The following CSRP3 variants were observed in gnomAD, a reference collection of about 807,000 sequenced individuals.
CSRP3 encodes the protein cysteine and glycine rich protein 3.
A neutral mutation model predicts 24.3 loss-of-function variants in CSRP3; 24 were observed. The ratio of observed to expected loss-of-function variants is 0.99; its 90% confidence interval spans 0.71 to 1.39. The LOEUF (loss-of-function observed/expected upper bound fraction) is 1.39, where lower values mean the gene tolerates loss of function less well. CSRP3 is among the 40% of genes most tolerant of loss of function. CSRP3 has a pLI of 0.00. For synonymous variants in CSRP3, 105 were observed against 94.0 expected, an observed-to-expected ratio of 1.12 and a Z score of -0.68; for missense variants, 240 against 249.0, an observed-to-expected ratio of 0.96 and a Z score of 0.24.
At chr11:19,186,150 C>T (rs1850520736) in intron 4 of CSRP3, 66 bp downstream of exon 4, 5 of 1,610,580 alleles carry the variant, frequency 3.1e-6, no homozygotes, top group Non-Finnish European at 4.2e-6. Flanking sequence ...CAATTTTTCT[C>T]TCATTCCTCC....
chr11:19,186,082 T>A, intron 4 of CSRP3, 134 bp downstream of exon 4: 1 of 1,126,084 alleles, frequency 8.9e-7, no homozygotes, highest in Non-Finnish European at 1.3e-6. Flanking sequence ...TGGCTGAGGA[T>A]GTGTGGTTTC....
intron 1 of CSRP3, among the ~76,000 whole-genome samples, chr11:19,201,620 AT>A (rs1474913330): frequency 6.6e-6 from 1 of 152,242 alleles, no homozygotes; most frequent in Non-Finnish European, 1.5e-5. Flanking sequence ...ACTTTCCATT[AT>A]TTCCTCCCGC....
intron 1 of CSRP3, among the ~76,000 whole-genome samples, chr11:19,194,462 G>T (rs1850664688): frequency 6.6e-6 from 1 of 152,088 alleles, no homozygotes; most frequent in African/African-American, 2.4e-5. Context: ...AGGATCACTA[G>T]CCCAGGAGTT....
chr11:19,197,540 T>C (rs1850755287), intron 1 of CSRP3, among the ~76,000 whole-genome samples: 1 of 138,000 alleles, frequency 7.2e-6, no homozygotes, highest in African/African-American at 2.8e-5. Flanking sequence ...TCTTTCTTTC[T>C]TTCTTTCTTT....
At chr11:19,197,000 G>A (rs1850725500) in intron 1 of CSRP3, 1 of 152,212 alleles carries the variant, frequency 6.6e-6, no homozygotes, top group Non-Finnish European at 1.5e-5. Context: ...ATGTGCTTCA[G>A]TGGGGCAGTG....
In CSRP3 at chr11:19,183,320, G is replaced by A. The variant is rs140653089; in HGVS notation, c.509-574C>T. Among the ~76,000 whole-genome samples the A allele has an allele frequency of 2.2e-3, 332 of 152,130 alleles. 1 individual carries two copies. Among genetic ancestry groups the A allele is most frequent in the Non-Finnish European group, 3.7e-3 (251 of 67,998 alleles). Reference sequence around the variant, plus strand: ...ATTTGAGGATTGCCTGCCCAACCTCGTCCCCTGTTGCCTCCCGCCTCTGCC... The same window carrying A: ...ATTTGAGGATTGCCTGCCCAACCTCATCCCCTGTTGCCTCCCGCCTCTGCC... On this transcript the variant is annotated intron_variant, in intron 5 of 5. Coordinates refer to ENST00000265968, the MANE Select transcript of CSRP3 (RefSeq NM_003476.5).
intron 1 of CSRP3, among the ~76,000 whole-genome samples, chr11:19,199,061 A>G (rs1288383959): frequency 6.6e-6 from 1 of 152,150 alleles, no homozygotes; most frequent in Non-Finnish European, 1.5e-5. Flanking sequence ...TCTGGTTCAG[A>G]CTGTGAATCA....
chr11:19,192,425 T>C lies in CSRP3; in HGVS notation c.24A>G (p.Ala8=). 1.2e-6 allele frequency: 2 copies of C among 1,614,172 alleles called. No homozygotes were observed. Among genetic ancestry groups the C allele is most frequent in the Non-Finnish European group, 1.7e-6 (2 of 1,180,020 alleles). Residue 8 remains alanine, a synonymous_variant, in exon 2 of 6, where the codon GCA becomes GCG. Coordinates refer to ENST00000265968, the MANE Select transcript of CSRP3 (RefSeq NM_003476.5). The stretch of plus-strand genomic sequence containing the variant: ...CGGTCTTTTCACAGGCTCCACATTT[T>C]GCGCCTCCGCCCCAGTTTGGCATCT... MPNWGGG[A]KCGACEKTVY... is the part of the protein sequence containing the mutation.
rs199650636 is a variant in CSRP3, at chr11:19,192,573, AT to A, written c.-28-98del. 2.1e-3 allele frequency: 1,508 copies of A among 727,188 alleles called. 12 individuals carry two copies. The East Asian group carries it at 0.029, about 14-fold the overall frequency. 45.0% of individuals were successfully genotyped at this position (727,188 alleles called of 1,614,324 possible). ...GGTCTGAAGACCAGGATCCAGCCCAATTTTTTTTTAGTGTTTCATTTATTCA... is the reference window on the plus strand; with the variant it reads ...GGTCTGAAGACCAGGATCCAGCCCAATTTTTTTTAGTGTTTCATTTATTCA... On this transcript the variant is annotated intron_variant, in intron 1 of 5. Coordinates refer to ENST00000265968, the MANE Select transcript of CSRP3 (RefSeq NM_003476.5).
intron 2 of CSRP3, 61 bp from the exon 3 acceptor site, chr11:19,188,365 TC>T: frequency 6.3e-7 from 1 of 1,577,750 alleles, no homozygotes; most frequent in Non-Finnish European, 8.7e-7. Flanking sequence ...TTCTTTGCAC[TC>T]CCAATGCCAT....
At chr11:19,192,925 G>A (rs1047536921) in intron 1 of CSRP3, among the ~76,000 whole-genome samples, 8 of 152,104 alleles carry the variant, frequency 5.3e-5, no homozygotes, top group African/African-American at 1.9e-4. Context: ...GCTAAATGCA[G>A]ATTCTGGTTT....
intron 2 of CSRP3, among the ~76,000 whole-genome samples, chr11:19,191,542 T>C (rs1282630360): frequency 1.3e-5 from 2 of 152,112 alleles, no homozygotes; most frequent in Non-Finnish European, 2.9e-5. Context: ...GGAAACAGTA[T>C]AGAATGCAGT....
intron 1 of CSRP3, among the ~76,000 whole-genome samples, chr11:19,197,501 CTCTTTCTTTCTTTCTT>C (rs747850845): frequency 0.016 from 1,060 of 67,104 alleles, 11 homozygotes; most frequent in Middle Eastern, 0.035. Flanking sequence ...CCCTCTTTTC[CTCTTTCTTTCTTTCTT>C]TCTTTCTTTC....
intron 5 of CSRP3, among the ~76,000 whole-genome samples, chr11:19,183,319 C>T (rs1850469735): frequency 6.6e-6 from 1 of 152,172 alleles, no homozygotes; most frequent in Admixed American, 6.5e-5. Flanking sequence ...TGCCCAACCT[C>T]GTCCCCTGTT....
chr11:19,182,753 A>G lies in CSRP3; in HGVS notation c.509-7T>C. ...AAATTTTTGGCATAGCAAACTGTGA[A>G]TGAGAAGAGGATGAAGGGAGAGACA... is the stretch of plus-strand genomic sequence containing the variant. On this transcript the variant is annotated splice_polypyrimidine_tract_variant and splice_region_variant and intron_variant, in intron 5 of 5. Coordinates refer to ENST00000265968, the MANE Select transcript of CSRP3 (RefSeq NM_003476.5). 6.2e-7 allele frequency: 1 copy of G among 1,608,630 alleles called. No homozygotes were observed. Among genetic ancestry groups the G allele is most frequent in the Non-Finnish European group, 8.5e-7 (1 of 1,174,944 alleles).
chr11:19,201,261 G>A (rs985841666), intron 1 of CSRP3, among the ~76,000 whole-genome samples: 2 of 152,048 alleles, frequency 1.3e-5, no homozygotes, highest in Non-Finnish European at 2.9e-5. Context: ...GTCTTTTTGG[G>A]GTCCAGTTTT....
chr11:19,197,091 C>T (rs1362643153), intron 1 of CSRP3, among the ~76,000 whole-genome samples: 5 of 152,088 alleles, frequency 3.3e-5, no homozygotes, highest in East Asian at 1.9e-4. Flanking sequence ...CTGGGAAAAC[C>T]GTTCAATCTC....
At chr11:19,187,755 G>A (rs1275278224) in intron 3 of CSRP3, among the ~76,000 whole-genome samples, 1 of 152,120 alleles carries the variant, frequency 6.6e-6, no homozygotes, top group African/African-American at 2.4e-5. Context: ...TTCATGACAG[G>A]CACACAAAGA....
chr11:19,183,217 A>G (rs920265936), intron 5 of CSRP3, among the ~76,000 whole-genome samples: 1 of 152,170 alleles, frequency 6.6e-6, no homozygotes, highest in South Asian at 2.1e-4. Context: ...AAATTTAACA[A>G]TACTTATCTT....
Sources: gnomAD v4.1 joint callset for allele counts (sites outside exome capture counted in the v4.1 genomes callset) on GRCh38, gnomAD v4.1.1 for gene constraint, MANE v1.5 for transcripts, NCBI Gene and HGNC (gene_info 2026-07-23, HGNC 2026-07-21) for gene names.